Variants in HS3ST5 observed in about 807,000 individuals in gnomAD.
HS3ST5 encodes heparan sulfate-glucosamine 3-sulfotransferase 5.
Under a neutral mutation model 25.4 loss-of-function variants are expected in HS3ST5, and 10 were observed. The ratio of observed to expected loss-of-function variants is 0.39; its 90% CI spans 0.24 to 0.67. The LOEUF (loss-of-function observed/expected upper bound fraction) is 0.67, where lower values mean the gene tolerates loss of function less well. Ranked by LOEUF, HS3ST5 falls within the 30% of genes least tolerant of loss-of-function variation. The pLI, the probability that HS3ST5 is intolerant of heterozygous loss-of-function variation, is 0.44. For missense variants in HS3ST5, 324 were observed against 420.7 expected, an observed-to-expected ratio of 0.77 and a Z score of 2.01; for synonymous variants, 170 against 162.4, an observed-to-expected ratio of 1.05 and a Z score of -0.36.
intron 1 of HS3ST5, among the ~76,000 whole-genome samples, chr6:114,259,627 T>C (rs992170788): frequency 6.6e-6 from 1 of 152,264 alleles, no homozygotes; most frequent in Non-Finnish European, 1.5e-5. Context: ...TTGGTGGTTA[T>C]GCTGTTAAAC....
At chr6:114,073,001 C>A (rs911114319) in intron 3 of HS3ST5, among the ~76,000 whole-genome samples, 1 of 152,074 alleles carries the variant, frequency 6.6e-6, no homozygotes, top group African/African-American at 2.4e-5. Context: ...ACATCTACAA[C>A]CATCTGATCT....
intron 1 of HS3ST5, among the ~76,000 whole-genome samples, chr6:114,289,283 T>C (rs1774469583): frequency 1.3e-5 from 2 of 152,250 alleles, no homozygotes; most frequent in East Asian, 1.9e-4. Context: ...GTACTATTTA[T>C]AAATTTTTCC....
chr6:114,196,740 G>A (rs1029874539), intron 2 of HS3ST5, among the ~76,000 whole-genome samples: 4 of 151,964 alleles, frequency 2.6e-5, no homozygotes, highest in Non-Finnish European at 5.9e-5. Flanking sequence ...TTTACAATGT[G>A]TGATGATAAT....
chr6:114,105,605 CAA>C (rs577802673), intron 3 of HS3ST5, among the ~76,000 whole-genome samples: 139 of 152,162 alleles, frequency 9.1e-4, no homozygotes, highest in Non-Finnish European at 1.3e-3. Flanking sequence ...ACCTTAGAAA[CAA>C]TTTTCAAGAA....
chr6:114,192,977 C>G (rs1043293848), intron 2 of HS3ST5, among the ~76,000 whole-genome samples: 3 of 152,054 alleles, frequency 2.0e-5, no homozygotes, highest in African/African-American at 7.2e-5. Flanking sequence ...TCCCACCTGC[C>G]CCCACCTTTT....
intron 2 of HS3ST5, among the ~76,000 whole-genome samples, chr6:114,199,841 A>G (rs993131806): frequency 6.6e-6 from 1 of 152,188 alleles, no homozygotes; most frequent in African/African-American, 2.4e-5. Context: ...TAGCACCTCT[A>G]TCTTCCAGTT....
At chr6:114,117,427 T>C (rs1776585026) in intron 3 of HS3ST5, among the ~76,000 whole-genome samples, 1 of 152,156 alleles carries the variant, frequency 6.6e-6, no homozygotes, top group Admixed American at 6.6e-5. Context: ...TTGGGCAACA[T>C]ATGGAATCTT....
chr6:114,168,088 C>G (rs1200864033), intron 3 of HS3ST5, among the ~76,000 whole-genome samples: 1 of 151,884 alleles, frequency 6.6e-6, no homozygotes, highest in Non-Finnish European at 1.5e-5. Context: ...AAAAGAAAAT[C>G]AATAAAAAAA....
intron 2 of HS3ST5, among the ~76,000 whole-genome samples, chr6:114,190,188 A>C (rs906777202): frequency 2.0e-5 from 3 of 152,110 alleles, no homozygotes; most frequent in African/African-American, 7.2e-5. Context: ...TCCCAGCTAC[A>C]TGGAGGAGTG....
chr6:114,176,294 T>C (rs1048861491), intron 2 of HS3ST5, among the ~76,000 whole-genome samples: 1 of 152,000 alleles, frequency 6.6e-6, no homozygotes, highest in Non-Finnish European at 1.5e-5. Flanking sequence ...TCAGAAACAA[T>C]GTGAAAACAC....
At chr6:114,110,980 A>G (rs1164001959) in intron 3 of HS3ST5, among the ~76,000 whole-genome samples, 1 of 152,206 alleles carries the variant, frequency 6.6e-6, no homozygotes, top group East Asian at 1.9e-4. Flanking sequence ...TGACCTTGGA[A>G]TACATCATGC....
At chr6:114,323,803 T>G (rs1776064580) in intron 1 of HS3ST5, among the ~76,000 whole-genome samples, 1 of 152,048 alleles carries the variant, frequency 6.6e-6, no homozygotes, top group Non-Finnish European at 1.5e-5. Flanking sequence ...AGAGTATTGG[T>G]TTCAGGTTTT....
intron 1 of HS3ST5, among the ~76,000 whole-genome samples, chr6:114,341,013 C>T (rs566817145): frequency 7.1e-6 from 1 of 140,138 alleles, no homozygotes; most frequent in Non-Finnish European, 1.5e-5. Context: ...ACCAAGTTTA[C>T]ATAAATCAGA....
intron 3 of HS3ST5, among the ~76,000 whole-genome samples, chr6:114,129,126 A>G (rs1263756314): frequency 6.6e-6 from 1 of 152,204 alleles, no homozygotes; most frequent in Admixed American, 6.5e-5. Flanking sequence ...TGCTTGGTAC[A>G]TAATGAGCTC....
At chr6:114,315,017 G>A (rs959989758) in intron 1 of HS3ST5, among the ~76,000 whole-genome samples, 5 of 152,280 alleles carry the variant, frequency 3.3e-5, no homozygotes, top group African/African-American at 1.2e-4. Flanking sequence ...TTAATTTTAT[G>A]TTATTGTACC....
At chr6:114,155,029 A>G (rs1778633391) in intron 3 of HS3ST5, among the ~76,000 whole-genome samples, 1 of 152,140 alleles carries the variant, frequency 6.6e-6, no homozygotes, top group Non-Finnish European at 1.5e-5. Flanking sequence ...CAGGCCATGC[A>G]TTCTGTGCAC....
intron 3 of HS3ST5, chr6:114,084,568 C>T (rs1342469731): frequency 5.2e-6 from 4 of 764,204 alleles, no homozygotes; most frequent in African/African-American, 1.7e-5. Flanking sequence ...CTCGTTGTTG[C>T]ACGGGATGGC....
chr6:114,147,602 T>C (rs1778231075), intron 3 of HS3ST5, among the ~76,000 whole-genome samples: 1 of 152,048 alleles, frequency 6.6e-6, no homozygotes, highest in Non-Finnish European at 1.5e-5. Flanking sequence ...CGGAGATGTT[T>C]TGGAGTCTCG....
intron 3 of HS3ST5, among the ~76,000 whole-genome samples, chr6:114,094,398 T>TTTAGGTATTG: frequency 6.6e-6 from 1 of 152,234 alleles, no homozygotes; most frequent in South Asian, 2.1e-4. Context: ...TGGAGTTTGC[T>TTTAGGTATTG]CTTTGATAGT....
Sources: allele counts gnomAD v4.1 joint callset (sites outside exome capture counted in the v4.1 genomes callset), GRCh38; gene constraint gnomAD v4.1.1; transcripts MANE v1.5; gene names NCBI Gene and HGNC (gene_info 2026-07-23, HGNC 2026-07-21).